The following CDH13 variants were observed in gnomAD, a reference collection of about 807,000 sequenced individuals.
CDH13 encodes cadherin-13.
In CDH13, 24 loss-of-function variants were observed where a neutral mutation model predicts 63.8. That is an observed-to-expected ratio of 0.38 (90% confidence interval 0.27 to 0.53). The LOEUF is 0.53. Ranked by LOEUF, CDH13 falls within the 20% of genes least tolerant of loss-of-function variation. The pLI, the probability that CDH13 is intolerant of heterozygous loss-of-function variation, is 0.85. For synonymous variants in CDH13, 503 were observed against 355.3 expected, an observed-to-expected ratio of 1.42 and a Z score of -4.67; for missense variants, 1,049 against 903.1, an observed-to-expected ratio of 1.16 and a Z score of -2.07.
intron 1 of CDH13, among the ~76,000 whole-genome samples, chr16:82,647,512 C>G (rs11863510): frequency 2.0e-5 from 3 of 151,964 alleles, no homozygotes; most frequent in Non-Finnish European, 1.5e-5. Context: ...AGGTACTGCT[C>G]TGGGTGTCTG....
intron 3 of CDH13, among the ~76,000 whole-genome samples, chr16:83,119,198 G>T (rs9932446): frequency 0.53 from 80,358 of 151,950 alleles, 21,744 homozygotes; most frequent in Non-Finnish European, 0.59. Flanking sequence ...TGGTTTTTCT[G>T]CTACGCTGAC....
chr16:83,646,712 A>AAAAAAAAAAAAACAC (rs1168012793), intron 8 of CDH13, among the ~76,000 whole-genome samples: 4 of 80,524 alleles, frequency 5.0e-5, no homozygotes, highest in East Asian at 4.6e-4. Flanking sequence ...AAAAAAAAAA[A>AAAAAAAAAAAAACAC]ACACACACAC....
intron 5 of CDH13, among the ~76,000 whole-genome samples, chr16:83,231,403 A>G (rs2039995036): frequency 6.6e-6 from 1 of 152,142 alleles, no homozygotes; most frequent in Admixed American, 6.5e-5. Flanking sequence ...GTACTTCCTG[A>G]TGGAGTCAGG....
chr16:83,760,608 T>C (rs1284693109), intron 11 of CDH13, among the ~76,000 whole-genome samples: 1 of 152,240 alleles, frequency 6.6e-6, no homozygotes, highest in Admixed American at 6.5e-5. Context: ...GCTAAATGAC[T>C]GCATTTATAT....
rs570736111 is a variant in CDH13, at chr16:83,088,576, C to T, written c.367-36809C>T. Reference sequence around the variant, plus strand: ...AGCTGGTTCCTTCTCTGAGCCTGGGCCCCTGTCCTATAAAGTAAAGGTGTT... The same window carrying T: ...AGCTGGTTCCTTCTCTGAGCCTGGGTCCCTGTCCTATAAAGTAAAGGTGTT... On this transcript the variant is annotated intron_variant, in intron 3 of 13. Coordinates refer to ENST00000567109, the MANE Select transcript of CDH13 (RefSeq NM_001257.5). Among the ~76,000 whole-genome samples the T allele has an allele frequency of 1.4e-4, 22 of 152,222 alleles. No homozygotes were observed. In the South Asian group the frequency reaches 4.6e-3, roughly 32 times the overall value.
chr16:83,419,011 T>A (rs1374718086), intron 6 of CDH13, among the ~76,000 whole-genome samples: 1 of 152,194 alleles, frequency 6.6e-6, no homozygotes, highest in Non-Finnish European at 1.5e-5. Flanking sequence ...ACTGCCTTCA[T>A]GACACCTCAT....
chr16:82,690,386 G>A (rs919194460), intron 1 of CDH13, among the ~76,000 whole-genome samples: 3 of 151,800 alleles, frequency 2.0e-5, no homozygotes, highest in African/African-American at 7.3e-5. Context: ...AACTTGGCTT[G>A]GACACAAAAA....
intron 8 of CDH13, among the ~76,000 whole-genome samples, chr16:83,652,562 C>G (rs1912482818): frequency 6.6e-6 from 1 of 151,358 alleles, no homozygotes; most frequent in Non-Finnish European, 1.5e-5. Flanking sequence ...AGAGACAAGG[C>G]TCTCATTGTA....
intron 10 of CDH13, among the ~76,000 whole-genome samples, chr16:83,734,879 T>A (rs1911390585): frequency 6.6e-6 from 1 of 151,916 alleles, no homozygotes; most frequent in Non-Finnish European, 1.5e-5. Context: ...TCTGGTAAGT[T>A]TCAGCTCCTT....
At chr16:82,903,469 A>G (rs918672115) in intron 2 of CDH13, among the ~76,000 whole-genome samples, 102 of 152,170 alleles carry the variant, frequency 6.7e-4, no homozygotes, top group Admixed American at 4.6e-3. Context: ...TTTTATCCTC[A>G]TCGTTTCTTC....
intron 5 of CDH13, among the ~76,000 whole-genome samples, chr16:83,311,643 G>A (rs982194444): frequency 6.6e-6 from 1 of 152,182 alleles, no homozygotes; most frequent in South Asian, 2.1e-4. Context: ...AACGTGCCTT[G>A]TTGTTCTGTA....
At chr16:82,799,686 A>AT (rs1370804240) in intron 1 of CDH13, among the ~76,000 whole-genome samples, 1 of 152,134 alleles carries the variant, frequency 6.6e-6, no homozygotes, top group African/African-American at 2.4e-5. Context: ...TCAGTGTGGG[A>AT]TTTTGTGTTT....
chr16:82,751,971 C>T (rs2034436059), intron 1 of CDH13, among the ~76,000 whole-genome samples: 1 of 152,210 alleles, frequency 6.6e-6, no homozygotes, highest in South Asian at 2.1e-4. Context: ...CAGAAACATA[C>T]AGGCTAAACG....
intron 2 of CDH13, among the ~76,000 whole-genome samples, chr16:83,014,425 A>G (rs923073729): frequency 6.6e-6 from 1 of 151,324 alleles, no homozygotes; most frequent in African/African-American, 2.4e-5. Flanking sequence ...AAATATATGT[A>G]TAAAAGCCAG....
chr16:83,182,282 C>T (rs2038371601), intron 4 of CDH13, among the ~76,000 whole-genome samples: 1 of 152,184 alleles, frequency 6.6e-6, no homozygotes, highest in South Asian at 2.1e-4. Context: ...AGAAAGCTTC[C>T]TCTGATGGCT....
chr16:83,680,844 G>A (rs905584442), intron 10 of CDH13, among the ~76,000 whole-genome samples: 2 of 151,900 alleles, frequency 1.3e-5, no homozygotes, highest in Admixed American at 6.6e-5. Context: ...AAGTCCATGG[G>A]AACAAAGGCC....
rs139049436 is a variant in CDH13, at chr16:82,746,071, AATCT to A, written c.46-112284_46-112281del. 4.6e-3 allele frequency among the ~76,000 whole-genome samples: 706 copies of A among 152,102 alleles called. 3 individuals are homozygous for A. Among genetic ancestry groups the A allele is most frequent in the African/African-American group, 0.016 (677 of 41,510 alleles). ...AAACATAATTGCCAGCATAAGAGGGAATCTATCTATGTCTTTCTATTTCTCTCTC... is the reference window on the plus strand; with the variant it reads ...AAACATAATTGCCAGCATAAGAGGGAATCTATGTCTTTCTATTTCTCTCTC... On this transcript the variant is annotated intron_variant, in intron 1 of 13. Coordinates refer to ENST00000567109, the MANE Select transcript of CDH13 (RefSeq NM_001257.5).
At chr16:83,043,045 G>C (rs1917462912) in intron 3 of CDH13, among the ~76,000 whole-genome samples, 1 of 152,132 alleles carries the variant, frequency 6.6e-6, no homozygotes, top group Non-Finnish European at 1.5e-5. Context: ...AAAATATATA[G>C]CTTGAAAATT....
At chr16:83,240,637 G>C (rs1904333223) in intron 5 of CDH13, among the ~76,000 whole-genome samples, 1 of 148,108 alleles carries the variant, frequency 6.8e-6, no homozygotes, top group Non-Finnish European at 1.5e-5. Context: ...GAGGGTAGTG[G>C]GAAGATTTTT....
Sources: allele counts gnomAD v4.1 joint callset (sites outside exome capture counted in the v4.1 genomes callset), GRCh38; gene constraint gnomAD v4.1.1; transcripts MANE v1.5; gene names NCBI Gene and HGNC (gene_info 2026-07-23, HGNC 2026-07-21).